Variants in ADGB observed in about 807,000 individuals in gnomAD.
The protein encoded by ADGB is calpain-7-like protein.
Under a neutral mutation model 210.5 loss-of-function variants are expected in ADGB, and 172 were observed. The ratio of observed to expected loss-of-function variants is 0.82; its 90% CI spans 0.72 to 0.93. The LOEUF (loss-of-function observed/expected upper bound fraction) is 0.93, where lower values mean the gene tolerates loss of function less well. ADGB is among the 40% of genes least tolerant of loss of function. The pLI is 0.00. For synonymous variants in ADGB, 658 were observed against 662.7 expected (o/e 0.99, Z 0.11); for missense variants, 2,025 against 1,964.8 (o/e 1.03, Z -0.58).
chr6:146,760,648 T>C (rs923905215), intron 27 of ADGB, among the ~76,000 whole-genome samples: 1 of 151,964 alleles, frequency 6.6e-6, no homozygotes, highest in Admixed American at 6.6e-5. Flanking sequence ...ATGTCAGTGT[T>C]TGACATATGT....
chr6:146,630,178 A>G (rs930562650), intron 1 of ADGB, among the ~76,000 whole-genome samples: 9 of 152,154 alleles, frequency 5.9e-5, no homozygotes, highest in Non-Finnish European at 1.2e-4. Flanking sequence ...CGGAGGTTGC[A>G]GTGAGCTGAG....
chr6:146,625,387 T>C (rs1180616120), intron 1 of ADGB, among the ~76,000 whole-genome samples: 1 of 152,152 alleles, frequency 6.6e-6, no homozygotes, highest in Admixed American at 6.6e-5. Flanking sequence ...TTTTGTTCAG[T>C]GTTAACATGG....
intron 8 of ADGB, among the ~76,000 whole-genome samples, chr6:146,675,562 C>T (rs114238616): frequency 0.012 from 1,751 of 151,782 alleles, 36 homozygotes; most frequent in African/African-American, 0.037. Context: ...TTTTTATTTA[C>T]GAAAATTTTA....
chr6:146,601,657 C>T (rs1035891964), intron 1 of ADGB, among the ~76,000 whole-genome samples: 3 of 152,180 alleles, frequency 2.0e-5, no homozygotes, highest in African/African-American at 7.2e-5. Flanking sequence ...ATGCGACCAA[C>T]TCTAACATGT....
chr6:146,636,751 A>C (rs894424985), intron 2 of ADGB, among the ~76,000 whole-genome samples: 2 of 152,022 alleles, frequency 1.3e-5, no homozygotes, highest in Non-Finnish European at 2.9e-5. Context: ...AGTGGTGGAC[A>C]GTGTCCAAGC....
chr6:146,772,575 A>C (rs1161366280), intron 29 of ADGB, among the ~76,000 whole-genome samples: 2 of 147,458 alleles, frequency 1.4e-5, no homozygotes, highest in African/African-American at 4.9e-5. Context: ...GGGCTGTATT[A>C]TGGTTTTTTC....
At chr6:146,674,582 C>A (rs1389108520) in intron 8 of ADGB, among the ~76,000 whole-genome samples, 1 of 151,980 alleles carries the variant, frequency 6.6e-6, no homozygotes, top group East Asian at 1.9e-4. Context: ...GGACTTCAGA[C>A]CAAAGACTTC....
At chr6:146,813,635 AGTTT>A (rs1326265649) in intron 35 of ADGB, among the ~76,000 whole-genome samples, 4 of 150,792 alleles carry the variant, frequency 2.7e-5, no homozygotes, top group South Asian at 4.2e-4. Flanking sequence ...GTTTCGCAAA[AGTTT>A]GTTTAATTAA....
Position 146,788,513 on chromosome 6 carries a change from C to T in ADGB, c.4440C>T (p.Gly1480=). 6.4e-7 allele frequency: 1 copy of T among 1,551,556 alleles called. No individual in the cohort carries two copies. Among genetic ancestry groups the T allele is most frequent in the Non-Finnish European group, 8.7e-7 (1 of 1,146,934 alleles). ...AVWKKWQLTK[G]LRDVAKSTSS... ...GGAAGAAGTGGCAATTGACCAAAGG[C>T]TTGAGGGATGTGGCAAAATCCACGA... The change falls in exon 33 of 36, where the codon GGC becomes GGT. Residue 1480 remains glycine, a synonymous_variant. Transcript: ENST00000397944.
At chr6:146,666,698 T>C in intron 6 of ADGB, 118 bp from the exon 7 acceptor site, 1 of 488,524 alleles carries the variant, frequency 2.0e-6, no homozygotes, top group Non-Finnish European at 3.5e-6. Flanking sequence ...TATTTTTTAA[T>C]ACAGTCTATA....
intron 1 of ADGB, among the ~76,000 whole-genome samples, chr6:146,620,962 C>T (rs1780882394): frequency 6.6e-6 from 1 of 152,116 alleles, no homozygotes; most frequent in Admixed American, 6.6e-5. Flanking sequence ...AGTATTGACT[C>T]TTAAACACTG....
chr6:146,807,580 A>T, intron 35 of ADGB: 1 of 1,537,678 alleles, frequency 6.5e-7, no homozygotes, highest in Non-Finnish European at 8.7e-7. Flanking sequence ...AAAGGAAAGA[A>T]AAAGTAACCA....
At chr6:146,779,607 T>C (rs991069455) in intron 29 of ADGB, among the ~76,000 whole-genome samples, 3 of 152,018 alleles carry the variant, frequency 2.0e-5, no homozygotes, top group African/African-American at 7.2e-5. Flanking sequence ...GTAATATTAA[T>C]AGCAAATTTT....
At chr6:146,777,708 G>A (rs1777740129) in intron 29 of ADGB, among the ~76,000 whole-genome samples, 1 of 152,186 alleles carries the variant, frequency 6.6e-6, no homozygotes, top group South Asian at 2.1e-4. Context: ...TGAATCCTAA[G>A]TCATTGGCAT....
At position 146,788,155 on chromosome 6, in the gene ADGB, G is replaced by A. The variant is rs75265192; in HGVS notation, c.4316-234G>A. On this transcript the variant is annotated intron_variant, in intron 32 of 35. Transcript: ENST00000397944. Reference sequence around the variant, plus strand: ...ATGTATGCTGTCCCAACTTCTAAAAGCCTCTATTTTTATGTGACATTTTAA... The same window carrying A: ...ATGTATGCTGTCCCAACTTCTAAAAACCTCTATTTTTATGTGACATTTTAA... Among the ~76,000 whole-genome samples, 105 of 152,184 alleles carry A rather than the reference G, an allele frequency of 6.9e-4. No individual in the cohort carries two copies. In the East Asian group the frequency reaches 0.011, roughly 15 times the overall value.
intron 5 of ADGB, among the ~76,000 whole-genome samples, chr6:146,662,641 A>G (rs1775878230): frequency 2.0e-5 from 3 of 151,858 alleles, no homozygotes; most frequent in Admixed American, 2.0e-4. Context: ...GTATTTTCCC[A>G]TTGAAATTGA....
intron 12 of ADGB, among the ~76,000 whole-genome samples, chr6:146,695,343 A>G (rs1776387948): frequency 6.6e-6 from 1 of 152,088 alleles, no homozygotes; most frequent in Non-Finnish European, 1.5e-5. Context: ...GAATTAGTTA[A>G]CGTTGCTTTG....
At chr6:146,794,265 G>T (rs1369503675) in intron 33 of ADGB, among the ~76,000 whole-genome samples, 1 of 152,162 alleles carries the variant, frequency 6.6e-6, no homozygotes, top group Admixed American at 6.5e-5. Flanking sequence ...AACTGGTTGT[G>T]TATGTTAAAA....
intron 1 of ADGB, among the ~76,000 whole-genome samples, chr6:146,613,213 G>C (rs984300297): frequency 3.3e-5 from 5 of 152,076 alleles, no homozygotes; most frequent in Non-Finnish European, 7.4e-5. Flanking sequence ...AAGTTAAAAG[G>C]CCATTTAAAT....
Sources: allele counts gnomAD v4.1 joint callset (sites outside exome capture counted in the v4.1 genomes callset), GRCh38; gene constraint gnomAD v4.1.1; transcripts MANE v1.5; gene names NCBI Gene and HGNC (gene_info 2026-07-23, HGNC 2026-07-21).